MARCHF1: variants seen among roughly 807,000 people sequenced by gnomAD.
The protein encoded by MARCHF1 is E3 ubiquitin-protein ligase MARCHF1.
MARCHF1 carries 40 observed loss-of-function variants against 54.2 expected under a neutral mutation model. That is an observed-to-expected ratio of 0.74 (90% confidence interval 0.57 to 0.96). The LOEUF (loss-of-function observed/expected upper bound fraction) is 0.96, where lower values mean the gene tolerates loss of function less well. MARCHF1 is among the 40% of genes least tolerant of loss of function. MARCHF1 has a pLI of 0.00. For synonymous variants in MARCHF1, 236 were observed against 236.3 expected (o/e 1.00, Z 0.01); for missense variants, 586 against 656.5 (o/e 0.89, Z 1.17).
intron 2 of MARCHF1, among the ~76,000 whole-genome samples, chr4:164,042,937 G>A (rs907860079): frequency 6.6e-6 from 1 of 152,106 alleles, no homozygotes; most frequent in Non-Finnish European, 1.5e-5. Context: ...AAATAATCTC[G>A]ACTGTATTTC....
chr4:163,981,053 C>A (rs530484338), intron 3 of MARCHF1, among the ~76,000 whole-genome samples: 16 of 152,188 alleles, frequency 1.1e-4, no homozygotes, highest in African/African-American at 3.9e-4. Flanking sequence ...ATAGCTGGTG[C>A]CTCACTTAAA....
At chr4:164,264,425 A>C (rs747237890) in intron 1 of MARCHF1, among the ~76,000 whole-genome samples, 7 of 151,900 alleles carry the variant, frequency 4.6e-5, no homozygotes, top group African/African-American at 7.3e-5. Context: ...CTGTAGAGTA[A>C]CCCCCTGTGA....
chr4:163,973,342 A>C (rs974270792), intron 3 of MARCHF1, among the ~76,000 whole-genome samples: 1 of 152,222 alleles, frequency 6.6e-6, no homozygotes, highest in African/African-American at 2.4e-5. Flanking sequence ...GGTTGTTCTT[A>C]GCCTTGCTCA....
At chr4:163,716,975 CAT>C (rs1407728953) in intron 4 of MARCHF1, among the ~76,000 whole-genome samples, 1 of 152,060 alleles carries the variant, frequency 6.6e-6, no homozygotes, top group Non-Finnish European at 1.5e-5. Flanking sequence ...AAAATCTACA[CAT>C]ACACATTTAT....
intron 5 of MARCHF1, among the ~76,000 whole-genome samples, chr4:163,635,581 C>G: frequency 1.3e-5 from 2 of 148,646 alleles, no homozygotes; most frequent in Non-Finnish European, 3.0e-5. Context: ...ATAACAGGAG[C>G]TGAAATTGTG....
chr4:163,876,152 A>G (rs188162831), intron 3 of MARCHF1, among the ~76,000 whole-genome samples: 1 of 152,190 alleles, frequency 6.6e-6, no homozygotes, highest in South Asian at 2.1e-4. Flanking sequence ...TTTAAAATGT[A>G]GCCTTAACCG....
intron 1 of MARCHF1, among the ~76,000 whole-genome samples, chr4:164,271,802 G>A (rs4055910): frequency 0.88 from 133,854 of 152,148 alleles, 59,358 homozygotes; most frequent in East Asian, 0.99. Flanking sequence ...AGGAAGAAAA[G>A]TGAAAATATG....
chr4:163,999,911 CTCTG>C (rs578258697), intron 2 of MARCHF1, among the ~76,000 whole-genome samples: 108 of 151,770 alleles, frequency 7.1e-4, no homozygotes, highest in African/African-American at 2.0e-3. Flanking sequence ...TTACATTTAA[CTCTG>C]TCTGATACCA....
At chr4:163,659,718 C>A (rs564047676) in intron 5 of MARCHF1, among the ~76,000 whole-genome samples, 146 of 151,440 alleles carry the variant, frequency 9.6e-4, no homozygotes, top group African/African-American at 2.9e-3. Flanking sequence ...AAAAAAAAAA[C>A]CCCATCAAAA....
intron 8 of MARCHF1, among the ~76,000 whole-genome samples, chr4:163,570,581 T>A (rs1467819893): frequency 6.6e-6 from 1 of 152,082 alleles, no homozygotes; most frequent in African/African-American, 2.4e-5. Context: ...CCGTATCCCA[T>A]TAGGAAAATA....
chr4:163,628,692 C>T (rs992379757), intron 5 of MARCHF1, among the ~76,000 whole-genome samples: 2 of 152,218 alleles, frequency 1.3e-5, no homozygotes, highest in African/African-American at 2.4e-5. Context: ...TAAGCAACTT[C>T]AGCAAAGTCT....
chr4:163,922,868 A>C (rs540011582), intron 3 of MARCHF1, among the ~76,000 whole-genome samples: 189 of 152,308 alleles, frequency 1.2e-3, no homozygotes, highest in Non-Finnish European at 2.2e-3. Flanking sequence ...TCTTCCAAAA[A>C]TTTTAGAGCT....
intron 1 of MARCHF1, among the ~76,000 whole-genome samples, chr4:164,241,797 AG>A (rs1447028230): frequency 6.6e-6 from 1 of 152,190 alleles, no homozygotes; most frequent in African/African-American, 2.4e-5. Flanking sequence ...AAGCAGGGCG[AG>A]GCATTGCCTC....
chr4:164,203,123 A>C (rs1579620542), intron 1 of MARCHF1, among the ~76,000 whole-genome samples: 1 of 152,062 alleles, frequency 6.6e-6, no homozygotes, highest in East Asian at 1.9e-4. Context: ...AGAATCAGAC[A>C]CCCATTGAGG....
At chr4:163,992,055 C>G (rs1275236941) in intron 2 of MARCHF1, among the ~76,000 whole-genome samples, 1 of 55,850 alleles carries the variant, frequency 1.8e-5, no homozygotes, top group Non-Finnish European at 3.0e-5. Context: ...TGATCTTTGT[C>G]AGCTGCAAAA....
At chr4:163,962,548 T>C (rs1252019170) in intron 3 of MARCHF1, among the ~76,000 whole-genome samples, 2 of 152,052 alleles carry the variant, frequency 1.3e-5, no homozygotes, top group South Asian at 2.1e-4. Flanking sequence ...AGCAGGTCTT[T>C]ATTGTATCCG....
intron 2 of MARCHF1, among the ~76,000 whole-genome samples, chr4:164,091,596 A>G (rs961018332): frequency 1.3e-5 from 2 of 151,832 alleles, no homozygotes; most frequent in Non-Finnish European, 2.9e-5. Context: ...GGCTTGAAAT[A>G]CTATATCTCA....
chr4:164,211,331 G>A lies in MARCHF1; in HGVS notation c.-322-99669C>T, dbSNP rs910800364. Reference sequence around the variant, plus strand: ...AACCTGCATATGTGTATGTATGTATGTATATATATATATATATATATATAC... The same window carrying A: ...AACCTGCATATGTGTATGTATGTATATATATATATATATATATATATATAC... On this transcript the variant is annotated intron_variant, in intron 1 of 9. Transcript: ENST00000514618. Among the ~76,000 whole-genome samples, 115 of 115,968 alleles carry A rather than the reference G, an allele frequency of 9.9e-4. 1 individual carries two copies. Among genetic ancestry groups the A allele is most frequent in the African/African-American group, 2.5e-3 (90 of 36,194 alleles). 76.1% of individuals were successfully genotyped at this position (115,968 alleles called of 152,430 possible). A position where few individuals can be genotyped will look rare whatever the true frequency, so the allele number is the denominator to read the frequency against.
In MARCHF1 at chr4:164,058,421, C is replaced by T. The variant is rs557044328; in HGVS notation, c.-248+53167G>A. ...AATAGATTGGGTAGAAGAACTCATACCCAAGTCTGGCTTTAGGGATTGTGA... is the reference window on the plus strand; with the variant it reads ...AATAGATTGGGTAGAAGAACTCATATCCAAGTCTGGCTTTAGGGATTGTGA... On this transcript the variant is annotated intron_variant, in intron 2 of 9. Transcript: ENST00000514618. 2.6e-5 allele frequency among the ~76,000 whole-genome samples: 4 copies of T among 152,290 alleles called. No homozygotes were observed. The East Asian group carries it at 5.8e-4, about 22-fold the overall frequency.
Sources: gnomAD v4.1 joint callset for allele counts (sites outside exome capture counted in the v4.1 genomes callset) on GRCh38, gnomAD v4.1.1 for gene constraint, MANE v1.5 for transcripts, NCBI Gene and HGNC (gene_info 2026-07-23, HGNC 2026-07-21) for gene names.